XIRP2: variants seen among roughly 807,000 people sequenced by gnomAD.
XIRP2 encodes the protein xin actin binding repeat containing 2, also known as xin actin-binding repeat-containing protein 2.
XIRP2 carries 236 observed loss-of-function variants against 277.0 expected under a neutral mutation model. The ratio of observed to expected loss-of-function variants is 0.85; its 90% CI spans 0.77 to 0.95. XIRP2 has a LOEUF of 0.95. Ranked by LOEUF, XIRP2 falls within the 40% of genes least tolerant of loss-of-function variation. XIRP2 has a pLI of 0.00. For synonymous variants in XIRP2, 1,490 were observed against 1,416.5 expected, an observed-to-expected ratio of 1.05 and a Z score of -1.17; for missense variants, 4,640 against 4,157.5, an observed-to-expected ratio of 1.12 and a Z score of -3.19.
chr2:166,910,663 T>G (rs1684676248), intron 2 of XIRP2, among the ~76,000 whole-genome samples: 1 of 152,160 alleles, frequency 6.6e-6, no homozygotes, highest in Non-Finnish European at 1.5e-5. Context: ...AGCTTTTGAA[T>G]GTGTTTGCCC....
intron 2 of XIRP2, among the ~76,000 whole-genome samples, chr2:167,123,605 A>G (rs1388506441): frequency 6.6e-6 from 1 of 152,134 alleles, no homozygotes; most frequent in Non-Finnish European, 1.5e-5. Flanking sequence ...TGAAGAAGCT[A>G]TTCCAGGCCT....
chr2:166,925,462 T>G (rs544718032), intron 2 of XIRP2, among the ~76,000 whole-genome samples: 1 of 151,590 alleles, frequency 6.6e-6, no homozygotes, highest in Non-Finnish European at 1.5e-5. Context: ...TATGATATAA[T>G]AGTTGCTTCA....
At chr2:166,970,376 A>C (rs1398204147) in intron 2 of XIRP2, among the ~76,000 whole-genome samples, 3 of 152,028 alleles carry the variant, frequency 2.0e-5, no homozygotes, top group Non-Finnish European at 4.4e-5. Flanking sequence ...TTCTTAAATT[A>C]CATGAGTTTT....
At chr2:167,129,869 CA>C (rs11335228) in intron 2 of XIRP2, among the ~76,000 whole-genome samples, 34,860 of 96,900 alleles carry the variant, frequency 0.36, 6,447 homozygotes, top group African/African-American at 0.61. Flanking sequence ...AACTCAGTCT[CA>C]AAAAAAAAAA....
At chr2:167,140,737 A>T (rs971314215) in intron 3 of XIRP2, 1 of 152,238 alleles carries the variant, frequency 6.6e-6, no homozygotes, top group Admixed American at 6.5e-5. Context: ...TTCTGTGGTG[A>T]TGGCCTTTGT....
chr2:167,246,721 G>C lies in XIRP2; in HGVS notation c.5329G>C (p.Glu1777Gln). The C allele has an allele frequency of 1.2e-6, 2 of 1,613,746 alleles. No individual in the cohort carries two copies. Among genetic ancestry groups the C allele is most frequent in the Non-Finnish European group, 1.7e-6 (2 of 1,179,834 alleles). The change falls in exon 9 of 11, where the codon GAG becomes CAG. Residue 1777 changes from glutamate (E) to glutamine (Q), a missense_variant. Coordinates refer to ENST00000409195, the MANE Select transcript of XIRP2 (RefSeq NM_152381.6). ...ETLTAKKQEG[E>Q]KEIIGGDVEG... ...ACTGACAGCTAAGAAACAAGAAGGAGAGAAAGAAATCATTGGTGGTGATGT... is the reference window on the plus strand; with the variant it reads ...ACTGACAGCTAAGAAACAAGAAGGACAGAAAGAAATCATTGGTGGTGATGT...
In XIRP2 at chr2:166,892,687, C is replaced by T. The variant is rs373656904; in HGVS notation, c.-19+4130C>T. On this transcript the variant is annotated intron_variant, in intron 1 of 10. Transcript: ENST00000409195. The stretch of plus-strand genomic sequence containing the variant: ...GTTGAGGCTTCTCAGGTTCCCAGAG[C>T]TGAAGTTTGTGTTCTTTTCTGAAAT... Among the ~76,000 whole-genome samples the T allele has an allele frequency of 4.0e-5, 6 of 151,808 alleles. No homozygotes were observed. In the East Asian group the frequency reaches 9.7e-4, roughly 25 times the overall value.
chr2:167,005,190 C>T (rs901025640), intron 2 of XIRP2, among the ~76,000 whole-genome samples: 2 of 151,878 alleles, frequency 1.3e-5, no homozygotes, highest in Non-Finnish European at 2.9e-5. Flanking sequence ...TCCCACTGCA[C>T]ATAATAAGGA....
chr2:167,186,321 T>C (rs1250150452), intron 3 of XIRP2, among the ~76,000 whole-genome samples: 1 of 152,148 alleles, frequency 6.6e-6, no homozygotes, highest in Non-Finnish European at 1.5e-5. Context: ...GAAACCAATA[T>C]TGTATATGGA....
chr2:167,182,774 G>A (rs1693052948), intron 3 of XIRP2, among the ~76,000 whole-genome samples: 1 of 151,898 alleles, frequency 6.6e-6, no homozygotes, highest in Non-Finnish European at 1.5e-5. Context: ...TAAATTGCTG[G>A]CACAATTTCT....
intron 2 of XIRP2, among the ~76,000 whole-genome samples, chr2:167,031,308 C>T (rs1338592810): frequency 6.6e-6 from 1 of 151,960 alleles, no homozygotes; most frequent in Non-Finnish European, 1.5e-5. Flanking sequence ...TACAATATGG[C>T]ACATTTTTGC....
At chr2:167,149,174 A>C (rs1355562223) in intron 3 of XIRP2, among the ~76,000 whole-genome samples, 2 of 152,180 alleles carry the variant, frequency 1.3e-5, no homozygotes, top group Non-Finnish European at 2.9e-5. Flanking sequence ...ACCCCAACCT[A>C]ATTCAAGTTT....
intron 3 of XIRP2, among the ~76,000 whole-genome samples, chr2:167,145,076 C>T (rs747662010): frequency 3.7e-4 from 56 of 152,052 alleles, no homozygotes; most frequent in South Asian, 1.2e-3. Context: ...TTTGCTTATG[C>T]CATGCCAAAG....
At chr2:167,191,787 G>T (rs187230033) in intron 3 of XIRP2, among the ~76,000 whole-genome samples, 1 of 152,248 alleles carries the variant, frequency 6.6e-6, no homozygotes, top group Admixed American at 6.5e-5. Flanking sequence ...TTTTCGAATA[G>T]TATGCAGATT....
rs369248055 is a variant in XIRP2 at position 167,109,271 on chromosome 2, TCTTCTC to T, written c.409-26615_409-26610del. The stretch of plus-strand genomic sequence containing the variant: ...TCCATGATGTATTTGCACCACATTT[TCTTCTC>T]CTTCTCCTTCTCCTTCTCCTTCCAT... On this transcript the variant is annotated intron_variant, in intron 2 of 10. Transcript: ENST00000409195. Among the ~76,000 whole-genome samples, 117 of 152,176 alleles carry T rather than the reference TCTTCTC, an allele frequency of 7.7e-4. 1 individual carries two copies. The highest frequency in any genetic ancestry group is 9.9e-4 in the African/African-American group (41 of 41,536).
intron 2 of XIRP2, among the ~76,000 whole-genome samples, chr2:167,052,870 AG>A (rs1182941636): frequency 1.3e-5 from 2 of 152,262 alleles, no homozygotes; most frequent in African/African-American, 4.8e-5. Flanking sequence ...TCTTCTTAAA[AG>A]AACTGATATA....
At chr2:167,105,287 A>T (rs985615162) in intron 2 of XIRP2, among the ~76,000 whole-genome samples, 7 of 151,892 alleles carry the variant, frequency 4.6e-5, no homozygotes, top group African/African-American at 1.7e-4. Flanking sequence ...TTCCTGTTCC[A>T]TTTCCTAGTC....
chr2:167,083,878 G>C (rs538983263), intron 2 of XIRP2, among the ~76,000 whole-genome samples: 2 of 151,688 alleles, frequency 1.3e-5, no homozygotes, highest in Admixed American at 1.3e-4. Context: ...CAATCATGTC[G>C]TCTGCAAACA....
rs530542359 is a variant in XIRP2 at position 166,920,483 on chromosome 2, T to TC, written c.408+16598dup. On this transcript the variant is annotated intron_variant, in intron 2 of 10. Transcript: ENST00000409195. ...CAAAGCAATTCTTAAACATTGAGTG[T>TC]CCCCCAAACTACCACATACTCTTAT... 1.8e-4 allele frequency among the ~76,000 whole-genome samples: 27 copies of TC among 152,244 alleles called. No homozygotes were observed. The East Asian group carries it at 5.0e-3, about 28-fold the overall frequency.
Sources: allele counts gnomAD v4.1 joint callset (sites outside exome capture counted in the v4.1 genomes callset), GRCh38; gene constraint gnomAD v4.1.1; transcripts MANE v1.5; gene names NCBI Gene and HGNC (gene_info 2026-07-23, HGNC 2026-07-21).